The following CNTNAP2 variants were observed in gnomAD, a reference collection of about 807,000 sequenced individuals.
CNTNAP2 encodes contactin associated protein 2, also known as contactin-associated protein-like 2.
Under a neutral mutation model 155.2 loss-of-function variants are expected in CNTNAP2, and 98 were observed. The ratio of observed to expected loss-of-function variants is 0.63; its 90% confidence interval spans 0.54 to 0.75. The LOEUF is 0.75. CNTNAP2 is among the 30% of genes least tolerant of loss of function. The pLI is 0.00. For synonymous variants in CNTNAP2, 651 were observed against 631.2 expected (o/e 1.03, Z -0.47); for missense variants, 1,727 against 1,688.1 (o/e 1.02, Z -0.40).
chr7:148,022,356 C>T (rs1208071028), intron 15 of CNTNAP2, among the ~76,000 whole-genome samples: 2 of 151,682 alleles, frequency 1.3e-5, no homozygotes, highest in Non-Finnish European at 2.9e-5. Context: ...GTAGTCCCAG[C>T]TACTCAGGAG....
chr7:147,285,619 A>G (rs565697045), intron 8 of CNTNAP2, among the ~76,000 whole-genome samples: 11 of 152,122 alleles, frequency 7.2e-5, no homozygotes, highest in South Asian at 6.2e-4. Flanking sequence ...CATTGCATCT[A>G]TAATACTAAT....
At chr7:147,727,878 G>T (rs563640435) in intron 13 of CNTNAP2, among the ~76,000 whole-genome samples, 1 of 151,848 alleles carries the variant, frequency 6.6e-6, no homozygotes, top group East Asian at 1.9e-4. Flanking sequence ...TGTCTGAAAT[G>T]ACATTTTCTA....
At chr7:147,948,644 T>C (rs370865361) in intron 14 of CNTNAP2, among the ~76,000 whole-genome samples, 9 of 133,192 alleles carry the variant, frequency 6.8e-5, no homozygotes, top group African/African-American at 2.2e-4. Context: ...CACACACACA[T>C]ATACACACAC....
chr7:148,053,821 C>A (rs1298450843), intron 15 of CNTNAP2, among the ~76,000 whole-genome samples: 1 of 152,020 alleles, frequency 6.6e-6, no homozygotes, highest in Non-Finnish European at 1.5e-5. Context: ...TGTAAATTGT[C>A]TTTTAAAATA....
intron 8 of CNTNAP2, among the ~76,000 whole-genome samples, chr7:147,295,467 G>C (rs1805420209): frequency 6.6e-6 from 1 of 152,076 alleles, no homozygotes; most frequent in African/African-American, 2.4e-5. Flanking sequence ...TTACAGATTG[G>C]TAGACTCAGT....
At chr7:147,202,796 G>A (rs1826844) in intron 8 of CNTNAP2, among the ~76,000 whole-genome samples, 5 of 151,892 alleles carry the variant, frequency 3.3e-5, no homozygotes, top group Non-Finnish European at 7.4e-5. Flanking sequence ...AGGGCCTGTA[G>A]GGGGGTAGGG....
At chr7:147,495,240 A>C (rs1446676002) in intron 11 of CNTNAP2, among the ~76,000 whole-genome samples, 2 of 152,202 alleles carry the variant, frequency 1.3e-5, no homozygotes, top group African/African-American at 2.4e-5. Flanking sequence ...CTCTGAGCTA[A>C]GTTCCTTTCA....
chr7:147,196,017 C>G (rs546377005), intron 8 of CNTNAP2, among the ~76,000 whole-genome samples: 35 of 152,046 alleles, frequency 2.3e-4, no homozygotes, highest in Non-Finnish European at 4.4e-4. Flanking sequence ...TACTGTAATA[C>G]AGTAAAACTA....
chr7:148,115,223 T>C (rs1804442067), intron 15 of CNTNAP2, among the ~76,000 whole-genome samples: 1 of 152,214 alleles, frequency 6.6e-6, no homozygotes, highest in Non-Finnish European at 1.5e-5. Context: ...TGGAACTACT[T>C]TTCTCCTCTC....
At chr7:146,664,243 C>T (rs1320685164) in intron 1 of CNTNAP2, among the ~76,000 whole-genome samples, 15 of 148,902 alleles carry the variant, frequency 1.0e-4, no homozygotes, top group Non-Finnish European at 1.9e-4. Flanking sequence ...GTCACTGCAA[C>T]CTCCGCCTCC....
At chr7:146,398,186 T>A (rs1376853150) in intron 1 of CNTNAP2, among the ~76,000 whole-genome samples, 1 of 139,220 alleles carries the variant, frequency 7.2e-6, no homozygotes, top group Non-Finnish European at 1.5e-5. Flanking sequence ...GCCCCAAACT[T>A]TTTTTTTTTT....
intron 1 of CNTNAP2, among the ~76,000 whole-genome samples, chr7:146,246,597 C>T (rs923383095): frequency 2.6e-5 from 4 of 151,546 alleles, no homozygotes; most frequent in South Asian, 2.1e-4. Flanking sequence ...CGAAGCTCGG[C>T]GTCCCTGATG....
At chr7:146,278,333 A>C (rs1800196888) in intron 1 of CNTNAP2, among the ~76,000 whole-genome samples, 1 of 152,190 alleles carries the variant, frequency 6.6e-6, no homozygotes, top group African/African-American at 2.4e-5. Flanking sequence ...AGGGAAACAA[A>C]GGTCTCTGTT....
intron 12 of CNTNAP2, among the ~76,000 whole-genome samples, chr7:147,569,367 C>G (rs181310563): frequency 0.011 from 1,628 of 150,896 alleles, 34 homozygotes; most frequent in African/African-American, 0.037. Flanking sequence ...CCACCTCCCC[C>G]TCCCCGTGTC....
At chr7:147,602,821 A>C (rs868213513) in intron 12 of CNTNAP2, among the ~76,000 whole-genome samples, 1 of 152,080 alleles carries the variant, frequency 6.6e-6, no homozygotes, top group South Asian at 2.1e-4. Context: ...ACATGAACTC[A>C]TCATTTTTTA....
intron 11 of CNTNAP2, among the ~76,000 whole-genome samples, chr7:147,493,499 TTC>T (rs1798644383): frequency 6.6e-6 from 1 of 152,204 alleles, no homozygotes. Context: ...CCATCACTTA[TTC>T]ATTCATCAAT....
chr7:146,831,439 A>C (rs1032419849), intron 2 of CNTNAP2, among the ~76,000 whole-genome samples: 14 of 152,016 alleles, frequency 9.2e-5, no homozygotes, highest in African/African-American at 3.4e-4. Context: ...GCACTTTGGG[A>C]AGCCGAGGTG....
Position 147,132,473 on chromosome 7 carries a change from A to G in CNTNAP2, c.1312A>G (p.Thr438Ala), listed in dbSNP as rs897785918. 3 of 1,613,648 alleles carry G rather than the reference A, an allele frequency of 1.9e-6. No individual in the cohort carries two copies. The highest frequency in any genetic ancestry group is 2.5e-6 in the Non-Finnish European group (3 of 1,179,710). The stretch of plus-strand genomic sequence containing the variant: ...CAAAGTGGGTGTTCACATCAACATC[A>G]CACAGACCAAGATGAGCCAAATCGA... ...ESKVGVHINITQTKMSQIDIS... is the reference protein window; with the variant it reads ...ESKVGVHINIAQTKMSQIDIS... Residue 438 changes from threonine to alanine, a missense_variant, in exon 8 of 24, where the codon ACA (threonine) becomes GCA (alanine). By Grantham distance (58) the Thr-to-Ala change is moderately conservative (BLOSUM62 0). Transcript: ENST00000361727.
chr7:146,738,111 G>T (rs11760553), intron 1 of CNTNAP2, among the ~76,000 whole-genome samples: 2,386 of 152,046 alleles, frequency 0.016, 30 homozygotes, highest in African/African-American at 0.045. Flanking sequence ...TTTCACAATT[G>T]TACTAATTTA....
Sources: allele counts gnomAD v4.1 joint callset (sites outside exome capture counted in the v4.1 genomes callset), GRCh38; gene constraint gnomAD v4.1.1; transcripts MANE v1.5; gene names NCBI Gene and HGNC (gene_info 2026-07-23, HGNC 2026-07-21).